NOL4: variants seen among roughly 807,000 people sequenced by gnomAD.
The protein encoded by NOL4 is nucleolar protein 4, also known as cancer/testis antigen 125.
Under a neutral mutation model 75.9 loss-of-function variants are expected in NOL4, and 17 were observed. The ratio of observed to expected loss-of-function variants is 0.22; its 90% CI spans 0.15 to 0.34. The LOEUF (loss-of-function observed/expected upper bound fraction) is 0.34, where lower values mean the gene tolerates loss of function less well. NOL4 is among the 10% of genes least tolerant of loss of function. The pLI, the probability that NOL4 is intolerant of heterozygous loss-of-function variation, is 1.00. For synonymous variants in NOL4, 292 were observed against 289.9 expected (o/e 1.01, Z -0.07); for missense variants, 614 against 793.5 (o/e 0.77, Z 2.72).
At chr18:33,863,169 G>A (rs1390750678) in intron 10 of NOL4, among the ~76,000 whole-genome samples, 1 of 151,176 alleles carries the variant, frequency 6.6e-6, no homozygotes, top group Admixed American at 6.6e-5. Context: ...ACTATCGCAA[G>A]AACAAAAAAC....
intron 5 of NOL4, among the ~76,000 whole-genome samples, chr18:34,024,369 A>G (rs985306062): frequency 3.3e-5 from 5 of 151,118 alleles, no homozygotes; most frequent in African/African-American, 1.2e-4. Flanking sequence ...CTTCTCTTTC[A>G]TATCTTACCG....
At chr18:34,076,512 A>G (rs1054297278) in intron 5 of NOL4, among the ~76,000 whole-genome samples, 33 of 152,144 alleles carry the variant, frequency 2.2e-4, no homozygotes, top group African/African-American at 8.0e-4. Context: ...AACGATGAAA[A>G]TGATATTCCT....
rs940128862 is a variant in NOL4 at position 34,151,099 on chromosome 18, G to A, written c.265-21079C>T. ...GGTGAGGATATGGAGCAAAAAGAAC[G>A]TTAATTGTGCATAGGATTGCAAAAC... On this transcript the variant is annotated intron_variant, in intron 1 of 10. Transcript: ENST00000261592. Among the ~76,000 whole-genome samples, 3 of 151,872 alleles carry A rather than the reference G, an allele frequency of 2.0e-5. No homozygotes were observed. The East Asian group carries it at 5.8e-4, about 29-fold the overall frequency.
chr18:34,038,866 T>C (rs1029496737), intron 5 of NOL4, among the ~76,000 whole-genome samples: 32 of 152,078 alleles, frequency 2.1e-4, no homozygotes, highest in Non-Finnish European at 8.8e-5. Context: ...GTATACTGTA[T>C]ATTTCAAAAT....
intron 2 of NOL4, among the ~76,000 whole-genome samples, chr18:34,114,400 TA>T (rs1490289283): frequency 6.6e-6 from 1 of 152,144 alleles, no homozygotes; most frequent in African/African-American, 2.4e-5. Flanking sequence ...AACTAAGCAC[TA>T]AAAAAATCAC....
At chr18:33,872,559 C>T (rs2144515335) in intron 10 of NOL4, among the ~76,000 whole-genome samples, 1 of 151,872 alleles carries the variant, frequency 6.6e-6, no homozygotes, top group Admixed American at 6.6e-5. Flanking sequence ...ACAAAATGAC[C>T]CAAAGGCCAG....
chr18:33,995,026 A>G (rs1413884079), intron 6 of NOL4, among the ~76,000 whole-genome samples: 1 of 151,614 alleles, frequency 6.6e-6, no homozygotes, highest in East Asian at 1.9e-4. Flanking sequence ...CTTAGATGAC[A>G]TGGAAAAACT....
At chr18:33,921,768 G>A (rs190720170) in intron 9 of NOL4, among the ~76,000 whole-genome samples, 73 of 152,298 alleles carry the variant, frequency 4.8e-4, no homozygotes, top group Non-Finnish European at 8.5e-4. Flanking sequence ...CACTGAGTTT[G>A]TGGTACTTTG....
rs1449197392 is a variant in NOL4, at chr18:34,104,279, G to C, written c.527-120C>G. On this transcript the variant is annotated intron_variant, in intron 3 of 10. Coordinates refer to ENST00000261592, the MANE Select transcript of NOL4 (RefSeq NM_003787.5). ...TAGATATCAAGTGTCTTAAAGCATG[G>C]TAGCATTATAGTTGGACGGTAGAAA... The C allele has an allele frequency of 6.1e-6, 4 of 652,086 alleles. No homozygotes were observed. The East Asian group carries it at 1.1e-4, about 19-fold the overall frequency. The allele number at this position is 652,086 out of a possible 1,614,324, so 40.4% of individuals were successfully genotyped here. A position where few individuals can be genotyped will look rare whatever the true frequency, so the allele number is the denominator to read the frequency against.
intron 5 of NOL4, among the ~76,000 whole-genome samples, chr18:34,035,714 A>T (rs1156616149): frequency 1.3e-5 from 2 of 152,044 alleles, no homozygotes; most frequent in Non-Finnish European, 2.9e-5. Context: ...AAAAATAAAC[A>T]AAACTAATAA....
At chr18:34,031,596 A>G (rs2075642893) in intron 5 of NOL4, among the ~76,000 whole-genome samples, 1 of 152,228 alleles carries the variant, frequency 6.6e-6, no homozygotes, top group South Asian at 2.1e-4. Flanking sequence ...TTCACTAAGA[A>G]GAAACAAAAT....
chr18:34,193,192 T>C (rs1353319587), intron 1 of NOL4, among the ~76,000 whole-genome samples: 1 of 152,018 alleles, frequency 6.6e-6, no homozygotes. Flanking sequence ...TTTTATGACA[T>C]TAGTCTGGAC....
intron 2 of NOL4, among the ~76,000 whole-genome samples, chr18:34,108,892 C>G (rs930963127): frequency 2.6e-5 from 4 of 152,128 alleles, no homozygotes; most frequent in African/African-American, 7.2e-5. Flanking sequence ...GCAGAATACA[C>G]ATACTACTCA....
chr18:34,068,547 G>A (rs890077166), intron 5 of NOL4, among the ~76,000 whole-genome samples: 4 of 151,884 alleles, frequency 2.6e-5, no homozygotes, highest in African/African-American at 4.8e-5. Flanking sequence ...TTACAGGCTC[G>A]TGCCACCACG....
Position 33,958,365 on chromosome 18 carries a change from G to GAGA in NOL4, c.1109_1110insTCT (p.Asp370_Arg371insLeu). 1 of 1,547,022 alleles carries GAGA rather than the reference G, an allele frequency of 6.5e-7. No individual in the cohort carries two copies. The highest frequency in any genetic ancestry group is 8.7e-7 in the Non-Finnish European group (1 of 1,144,332). ...TTAGTGAGAGGTCCTCAGCTCCTCG[G>GAGA]TCTACACTCTCATTTTTGCCAGAGT... On this transcript the variant is annotated inframe_insertion, in exon 7 of 11. Coordinates refer to ENST00000261592, the MANE Select transcript of NOL4 (RefSeq NM_003787.5).
rs115338268 is a variant in NOL4, at chr18:34,160,681, A to G, written c.265-30661T>C. ...AAATGATCTTTTAATTAGAGTTTTAAAAAATTTTAATTGGCACAATAATTG... is the reference window on the plus strand; with the variant it reads ...AAATGATCTTTTAATTAGAGTTTTAGAAAATTTTAATTGGCACAATAATTG... On this transcript the variant is annotated intron_variant, in intron 1 of 10. Transcript: ENST00000261592. 2.2e-3 allele frequency among the ~76,000 whole-genome samples: 335 copies of G among 152,298 alleles called. 5 individuals are homozygous for G. Among genetic ancestry groups the G allele is most frequent in the African/African-American group, 7.6e-3 (314 of 41,578 alleles).
At chr18:34,202,993 A>G (rs1034620405) in intron 1 of NOL4, among the ~76,000 whole-genome samples, 1 of 152,070 alleles carries the variant, frequency 6.6e-6, no homozygotes, top group African/African-American at 2.4e-5. Flanking sequence ...ACAAATATTT[A>G]TAATGGCCTT....
chr18:34,223,405 AGAGGGGAG>A lies in NOL4; in HGVS notation c.-160_-153del. On this transcript the variant is annotated 5_prime_UTR_variant, in exon 1 of 11. Transcript: ENST00000261592. The stretch of plus-strand genomic sequence containing the variant: ...GCTTTGGGTGGGGGAAGGGATGGGA[AGAGGGGAG>A]GAGGGTCCGGTTGGGCACCAGCAAT... 1 of 1,076,960 alleles carries A rather than the reference AGAGGGGAG, an allele frequency of 9.3e-7. No homozygotes were observed. Among genetic ancestry groups the A allele is most frequent in the Non-Finnish European group, 1.3e-6 (1 of 765,268 alleles). The allele number at this position is 1,076,960 out of a possible 1,614,324, so 66.7% of individuals were successfully genotyped here.
At chr18:34,088,670 T>C (rs1389121396) in intron 5 of NOL4, among the ~76,000 whole-genome samples, 2 of 152,154 alleles carry the variant, frequency 1.3e-5, no homozygotes, top group South Asian at 2.1e-4. Context: ...GACGTATATA[T>C]AACCTTTAAA....
Sources: allele counts gnomAD v4.1 joint callset (sites outside exome capture counted in the v4.1 genomes callset), GRCh38; gene constraint gnomAD v4.1.1; transcripts MANE v1.5; gene names NCBI Gene and HGNC (gene_info 2026-07-23, HGNC 2026-07-21).